Variants in ATP13A4 observed in about 807,000 individuals in gnomAD.
ATP13A4 encodes the protein probable cation-transporting ATPase 13A4.
In ATP13A4, 114 loss-of-function variants were observed where a neutral mutation model predicts 142.5. That is an observed-to-expected ratio of 0.80 (90% CI 0.69 to 0.93). ATP13A4 has a LOEUF of 0.93. Among genes scored for constraint, ATP13A4 ranks in the 40% least tolerant of loss-of-function variants. ATP13A4 has a pLI of 0.00. For missense variants in ATP13A4, 1,392 were observed against 1,454.0 expected, an observed-to-expected ratio of 0.96 and a Z score of 0.69; for synonymous variants, 488 against 514.8, an observed-to-expected ratio of 0.95 and a Z score of 0.70.
rs949865310 is a variant in ATP13A4 at position 193,466,938 on chromosome 3, CA to C, written c.1114+377del. On this transcript the variant is annotated intron_variant, in intron 10 of 29. Coordinates refer to ENST00000342695, the MANE Select transcript of ATP13A4 (RefSeq NM_032279.4). ...TAAGACTTCTCCTTGTCTATGGGTC[CA>C]AAAAAAAATGGAAAGAATGAATAAG... is the stretch of plus-strand genomic sequence containing the variant. Among the ~76,000 whole-genome samples the C allele has an allele frequency of 7.1e-4, 104 of 145,866 alleles. No individual in the cohort carries two copies. In the East Asian group the frequency reaches 0.016, roughly 22 times the overall value.
intron 1 of ATP13A4, among the ~76,000 whole-genome samples, chr3:193,587,588 T>C (rs1461354324): frequency 6.6e-6 from 1 of 152,214 alleles, no homozygotes; most frequent in Non-Finnish European, 1.5e-5. Context: ...CAGGTGTTTT[T>C]GCAAGTATAT....
intron 1 of ATP13A4, among the ~76,000 whole-genome samples, chr3:193,517,297 G>C (rs925904122): frequency 2.0e-5 from 3 of 152,192 alleles, no homozygotes; most frequent in African/African-American, 7.2e-5. Flanking sequence ...TAGTAGAGAA[G>C]AGAGTCACAC....
At chr3:193,555,795 G>A (rs1004429311), upstream of ATP13A4, among the ~76,000 whole-genome samples, 1 of 152,208 alleles carries the variant, frequency 6.6e-6, no homozygotes, top group Non-Finnish European at 1.5e-5. Flanking sequence ...CCAATGTGGT[G>A]TAGAGAAACA....
intron 25 of ATP13A4, among the ~76,000 whole-genome samples, chr3:193,420,748 A>C (rs535163338): frequency 6.7e-6 from 1 of 149,796 alleles, no homozygotes; most frequent in African/African-American, 2.4e-5. Context: ...TTGGAGCTGA[A>C]GAATTTAATG....
chr3:193,514,854 C>T lies in ATP13A4; in HGVS notation c.78G>A (p.Arg26=), dbSNP rs923759910. ...EENEMEIFGY[R]TQGCRKSLCL... The stretch of plus-strand genomic sequence containing the variant: ...AGAGACTTTTCCGGCAGCCTTGAGT[C>T]CGATAGCCAAATATCTCCTGGGACA... The change falls in exon 2 of 30, where the codon CGG becomes CGA. Residue 26 remains arginine (R), a synonymous_variant. Transcript: ENST00000342695. The T allele has an allele frequency of 1.9e-5, 31 of 1,613,988 alleles. No individual in the cohort carries two copies. The highest frequency in any genetic ancestry group is 2.3e-5 in the Non-Finnish European group (27 of 1,180,014).
chr3:193,578,868 T>G (rs995897230), intron 2 of ATP13A4: 1 of 163,172 alleles, frequency 6.1e-6, no homozygotes, highest in African/African-American at 2.4e-5. Context: ...GTGGCTGGGT[T>G]GTAGCCAGTT....
chr3:193,455,324 G>C (rs13066123), intron 16 of ATP13A4, among the ~76,000 whole-genome samples: 11,784 of 125,934 alleles, frequency 0.094, 614 homozygotes, highest in South Asian at 0.2. Flanking sequence ...CTGGGCAACA[G>C]AGCGAGACTC....
chr3:193,500,884 A>G lies in ATP13A4; in HGVS notation c.381+1609T>C, dbSNP rs144277374. Among the ~76,000 whole-genome samples, 226 of 152,336 alleles carry G rather than the reference A, an allele frequency of 1.5e-3. 1 individual carries two copies. The highest frequency in any genetic ancestry group is 5.2e-3 in the African/African-American group (218 of 41,584). On this transcript the variant is annotated intron_variant, in intron 3 of 29. Transcript: ENST00000342695. ...CATAGCTCATTGAAGTTCACAAATG[A>G]CCTTAATATCCATCGTCTCATTGTG...
chr3:193,571,707 C>G (rs1724270146), intron 2 of ATP13A4, among the ~76,000 whole-genome samples: 1 of 152,080 alleles, frequency 6.6e-6, no homozygotes, highest in African/African-American at 2.4e-5. Flanking sequence ...ACACGTAATA[C>G]CCCTCAAAGC....
chr3:193,472,978 GA>G (rs1301316301), intron 8 of ATP13A4, among the ~76,000 whole-genome samples: 1 of 152,152 alleles, frequency 6.6e-6, no homozygotes, highest in African/African-American at 2.4e-5. Context: ...GTGATTATAA[GA>G]ATATATAAAC....
upstream of ATP13A4, among the ~76,000 whole-genome samples, chr3:193,559,722 C>T (rs752364589): frequency 1.4e-4 from 22 of 152,210 alleles, no homozygotes; most frequent in Non-Finnish European, 2.6e-4. Flanking sequence ...CCGTTCAGCA[C>T]CAGGTCTGTT....
chr3:193,581,224 G>T (rs146558719), intron 2 of ATP13A4, among the ~76,000 whole-genome samples: 3 of 152,286 alleles, frequency 2.0e-5, no homozygotes, highest in East Asian at 3.9e-4. Flanking sequence ...AAAGAATATT[G>T]TCTCAATTAT....
chr3:193,439,434 T>C (rs2108621400), intron 21 of ATP13A4, among the ~76,000 whole-genome samples: 1 of 152,296 alleles, frequency 6.6e-6, no homozygotes, highest in Admixed American at 6.5e-5. Flanking sequence ...TTTTCACTAT[T>C]ATTATTATTC....
intron 1 of ATP13A4, among the ~76,000 whole-genome samples, chr3:193,531,297 A>AGGGAGGAAGGAAGGGAGGGAG: frequency 3.4e-4 from 7 of 20,394 alleles, no homozygotes; most frequent in East Asian, 2.2e-3. Context: ...GGAGGGAGGG[A>AGGGAGGAAGGAAGGGAGGGAG]GGAAGGAAGG....
At chr3:193,587,638 C>A (rs890859226) in intron 1 of ATP13A4, among the ~76,000 whole-genome samples, 4 of 152,084 alleles carry the variant, frequency 2.6e-5, no homozygotes, top group Admixed American at 2.0e-4. Context: ...TACTCTGAGG[C>A]CCTCCTTAAT....
Position 193,435,654 on chromosome 3 carries a change from G to A in ATP13A4, c.2763C>T (p.Leu921=), listed in dbSNP as rs1423557460. The part of the protein sequence containing the change: ...SMIQYVGVLL[L]YWETNSLSNY... ...GCTAAGTCCCAAGTCATACCCAGTA[G>A]AGCAGCAGAACACCAACATACTGAA... is the stretch of plus-strand genomic sequence containing the variant. The change falls in exon 24 of 30, where the codon CTC becomes CTT. Residue 921 remains leucine (L), a synonymous_variant. Transcript: ENST00000342695. The A allele has an allele frequency of 1.2e-6, 2 of 1,613,208 alleles. No individual in the cohort carries two copies. The highest frequency in any genetic ancestry group is 8.5e-7 in the Non-Finnish European group (1 of 1,179,274).
At chr3:193,585,411 GCT>G (rs1339883640) in intron 1 of ATP13A4, among the ~76,000 whole-genome samples, 4 of 152,086 alleles carry the variant, frequency 2.6e-5, no homozygotes, top group African/African-American at 9.6e-5. Context: ...CAAGAGCAAA[GCT>G]CTGTCTCAAA....
rs553284451 is a variant in ATP13A4, at chr3:193,434,684, A to C, written c.2770-767T>G. Among the ~76,000 whole-genome samples the C allele has an allele frequency of 4.6e-4, 70 of 152,332 alleles. 2 individuals carry two copies. In the South Asian group the frequency reaches 0.014, roughly 31 times the overall value. ...AGGCAGTATATAAAGATGAATCTGG[A>C]TATCTGCCACACAGATATCCAGACG... On this transcript the variant is annotated intron_variant, in intron 24 of 29. Coordinates refer to ENST00000342695, the MANE Select transcript of ATP13A4 (RefSeq NM_032279.4).
At chr3:193,450,942 T>C (rs1214697606) in intron 17 of ATP13A4, among the ~76,000 whole-genome samples, 1 of 152,118 alleles carries the variant, frequency 6.6e-6, no homozygotes, top group African/African-American at 2.4e-5. Flanking sequence ...CAGCAGCGGT[T>C]TTCCTGCACA....
Sources: gnomAD v4.1 joint callset for allele counts (sites outside exome capture counted in the v4.1 genomes callset) on GRCh38, gnomAD v4.1.1 for gene constraint, MANE v1.5 for transcripts, NCBI Gene and HGNC (gene_info 2026-07-23, HGNC 2026-07-21) for gene names.